Variants in CTNND2 observed in about 807,000 individuals in gnomAD.
The protein encoded by CTNND2 is catenin delta 2.
CTNND2 carries 22 observed loss-of-function variants against 144.4 expected under a neutral mutation model. That is an observed-to-expected ratio of 0.15 (90% confidence interval 0.11 to 0.22). The LOEUF is 0.22. Among genes scored for constraint, CTNND2 ranks in the 10% least tolerant of loss-of-function variants. The probability of loss-of-function intolerance (pLI) is 1.00; values close to 1 mark genes in which losing one functional copy is unlikely to be tolerated. For missense variants in CTNND2, 1,353 were observed against 1,618.8 expected, an observed-to-expected ratio of 0.84 and a Z score of 2.82; for synonymous variants, 751 against 695.6, an observed-to-expected ratio of 1.08 and a Z score of -1.25.
chr5:11,108,201 G>A (rs1561314315), intron 14 of CTNND2, among the ~76,000 whole-genome samples: 1 of 152,172 alleles, frequency 6.6e-6, no homozygotes, highest in Non-Finnish European at 1.5e-5. Context: ...GAAAGGGAGG[G>A]CCAGGCAGTG....
At chr5:11,173,342 C>T (rs1474054831) in intron 11 of CTNND2, among the ~76,000 whole-genome samples, 1 of 152,248 alleles carries the variant, frequency 6.6e-6, no homozygotes, top group African/African-American at 2.4e-5. Context: ...CCAATTTTCC[C>T]AAGTTCTGGA....
chr5:11,545,665 A>G (rs1247176840), intron 3 of CTNND2, among the ~76,000 whole-genome samples: 12 of 140,344 alleles, frequency 8.6e-5, no homozygotes, highest in Non-Finnish European at 6.1e-5. Context: ...TGTGTCTCAA[A>G]AAAAAAAAAA....
At chr5:11,212,819 A>T (rs1050547702) in intron 10 of CTNND2, among the ~76,000 whole-genome samples, 2 of 152,138 alleles carry the variant, frequency 1.3e-5, no homozygotes, top group African/African-American at 4.8e-5. Flanking sequence ...TCCCAGAGGT[A>T]AGAGACAGGG....
chr5:11,016,033 G>C (rs965341051), intron 18 of CTNND2, among the ~76,000 whole-genome samples: 2 of 152,160 alleles, frequency 1.3e-5, no homozygotes, highest in Non-Finnish European at 2.9e-5. Flanking sequence ...GAGCCATATG[G>C]GTTTAACACT....
At chr5:11,485,370 T>C (rs1222529857) in intron 3 of CTNND2, among the ~76,000 whole-genome samples, 2 of 126,496 alleles carry the variant, frequency 1.6e-5, no homozygotes, top group African/African-American at 5.3e-5. Context: ...TGTGTGTGTG[T>C]GTGTGCGCGC....
intron 1 of CTNND2, among the ~76,000 whole-genome samples, chr5:11,878,916 A>C (rs1438745408): frequency 6.6e-6 from 1 of 152,198 alleles, no homozygotes; most frequent in Admixed American, 6.5e-5. Context: ...TCAAATTAAT[A>C]ACATTTTTCA....
rs575065284 is a variant in CTNND2 at position 11,304,380 on chromosome 5, C to G, written c.1628+41992G>C. 2.0e-5 allele frequency among the ~76,000 whole-genome samples: 3 copies of G among 151,958 alleles called. 1 individual carries two copies. The highest frequency in any genetic ancestry group is 2.0e-4 in the Admixed American group (3 of 15,256). Reference sequence around the variant, plus strand: ...TTTGTATACATTAATGTATTACACACAGGCACACCACACACACTTACACAC... The same window carrying G: ...TTTGTATACATTAATGTATTACACAGAGGCACACCACACACACTTACACAC... On this transcript the variant is annotated intron_variant, in intron 9 of 21. Transcript: ENST00000304623.
intron 1 of CTNND2, among the ~76,000 whole-genome samples, chr5:11,744,973 C>T (rs189038140): frequency 4.6e-5 from 7 of 152,024 alleles, no homozygotes; most frequent in African/African-American, 7.2e-5. Flanking sequence ...TGAGCTCAGG[C>T]GATCCACCCA....
At chr5:11,240,120 A>C (rs890994834) in intron 9 of CTNND2, among the ~76,000 whole-genome samples, 4 of 150,594 alleles carry the variant, frequency 2.7e-5, no homozygotes, top group Non-Finnish European at 5.9e-5. Context: ...ACACACACAC[A>C]CACCCCCAAC....
intron 1 of CTNND2, among the ~76,000 whole-genome samples, chr5:11,800,437 A>G (rs1032678399): frequency 5.9e-5 from 9 of 152,196 alleles, no homozygotes; most frequent in African/African-American, 2.2e-4. Context: ...GAAATTACAT[A>G]GTACATTTAA....
At chr5:11,485,374 TGC>T (rs141291357) in intron 3 of CTNND2, among the ~76,000 whole-genome samples, 7,891 of 140,466 alleles carry the variant, frequency 0.056, 248 homozygotes, top group African/African-American at 0.095. Context: ...TGTGTGTGTG[TGC>T]GCGCGCGCGC....
intron 2 of CTNND2, among the ~76,000 whole-genome samples, chr5:11,585,484 A>ATATCTACC: frequency 6.7e-6 from 1 of 150,088 alleles, no homozygotes; most frequent in African/African-American, 2.5e-5. Flanking sequence ...TTATCTATGT[A>ATATCTACC]TATCTATCTA....
intron 3 of CTNND2, among the ~76,000 whole-genome samples, chr5:11,518,677 CTA>C (rs1289881142): frequency 2.0e-5 from 3 of 152,034 alleles, no homozygotes; most frequent in Non-Finnish European, 2.9e-5. Context: ...TATACCTTTA[CTA>C]TGTTTAGATA....
Position 11,579,148 on chromosome 5 carries a change from T to C in CTNND2, c.175-14092A>G, listed in dbSNP as rs956197244. 6.9e-5 allele frequency among the ~76,000 whole-genome samples: 8 copies of C among 116,644 alleles called. No individual in the cohort carries two copies. In the East Asian group the frequency reaches 2.0e-3, roughly 30 times the overall value. The allele number at this position is 116,644 out of a possible 152,430, so 76.5% of individuals were successfully genotyped here. A position where few individuals can be genotyped will look rare whatever the true frequency, so the allele number is the denominator to read the frequency against. ...GCTGTGAAGGTTTTAGTTCCTTTCC[T>C]TTTTTTTTTTTTTTTTAACTTTTTA... On this transcript the variant is annotated intron_variant, in intron 2 of 21. Coordinates refer to ENST00000304623, the MANE Select transcript of CTNND2 (RefSeq NM_001332.4).
intron 2 of CTNND2, among the ~76,000 whole-genome samples, chr5:11,657,139 G>A (rs1426576761): frequency 2.6e-5 from 4 of 152,222 alleles, no homozygotes; most frequent in East Asian, 1.9e-4. Flanking sequence ...ATGTCACAGA[G>A]GGTGGCAGTG....
At chr5:11,645,919 ATTGTT>A (rs1023288036) in intron 2 of CTNND2, among the ~76,000 whole-genome samples, 178 of 152,180 alleles carry the variant, frequency 1.2e-3, no homozygotes, top group African/African-American at 4.2e-3. Flanking sequence ...ATCTAGCTTT[ATTGTT>A]TTATTTTTTT....
chr5:11,546,640 A>T (rs545751881), intron 3 of CTNND2, among the ~76,000 whole-genome samples: 1 of 152,108 alleles, frequency 6.6e-6, no homozygotes, highest in Non-Finnish European at 1.5e-5. Context: ...AGTAACAAAA[A>T]CTCTGTGGAG....
At chr5:11,193,971 A>T (rs1580548715) in intron 11 of CTNND2, among the ~76,000 whole-genome samples, 1 of 152,362 alleles carries the variant, frequency 6.6e-6, no homozygotes, top group East Asian at 1.9e-4. Flanking sequence ...TTAATATTCA[A>T]AACTGTTCAG....
intron 1 of CTNND2, among the ~76,000 whole-genome samples, chr5:11,774,681 T>A (rs1431317708): frequency 6.6e-6 from 1 of 152,202 alleles, no homozygotes; most frequent in Non-Finnish European, 1.5e-5. Context: ...CAGTCTTGAT[T>A]TAAGAAACAC....
Sources: allele counts gnomAD v4.1 joint callset (sites outside exome capture counted in the v4.1 genomes callset), GRCh38; gene constraint gnomAD v4.1.1; transcripts MANE v1.5; gene names NCBI Gene and HGNC (gene_info 2026-07-23, HGNC 2026-07-21).